CAMSAP3: variants seen among roughly 807,000 people sequenced by gnomAD.
CAMSAP3 encodes calmodulin-regulated spectrin-associated protein 3.
CAMSAP3 carries 34 observed loss-of-function variants against 112.5 expected under a neutral mutation model. That is an observed-to-expected ratio of 0.30 (90% CI 0.23 to 0.40). The LOEUF (loss-of-function observed/expected upper bound fraction) is 0.40. CAMSAP3 is among the 10% of genes least tolerant of loss of function. CAMSAP3 has a pLI of 1.00. For missense variants in CAMSAP3, 1,602 were observed against 1,770.3 expected (o/e 0.90, Z 1.71); for synonymous variants, 868 against 799.8 (o/e 1.09, Z -1.44).
At chr19:7,599,542 C>CATT (rs2029865213) in intron 1 of CAMSAP3, among the ~76,000 whole-genome samples, 1 of 95,194 alleles carries the variant, frequency 1.1e-5, no homozygotes, top group Non-Finnish European at 2.1e-5. Context: ...ATCCTTCCAC[C>CATT]CACCCATTCA....
intron 1 of CAMSAP3, among the ~76,000 whole-genome samples, chr19:7,603,845 G>C (rs190576075): frequency 2.6e-5 from 4 of 151,636 alleles, no homozygotes; most frequent in Non-Finnish European, 1.5e-5. Flanking sequence ...AACAGAGAAG[G>C]CTGTGCAGGC....
rs1176444839 is a variant in CAMSAP3, at chr19:7,611,518, C to G, written c.1125C>G (p.Gly375=). 6 of 1,610,796 alleles carry G rather than the reference C, an allele frequency of 3.7e-6. No homozygotes were observed. The highest frequency in any genetic ancestry group is 4.2e-6 in the Non-Finnish European group (5 of 1,178,844). ...GPQSPLRGST[G]SLKSSPSMSH... ...GTGACCACTCATCGCCTCCCCCAGG[C>G]TCCCTGAAGTCTTCCCCGTCCATGT... is the stretch of plus-strand genomic sequence containing the variant. Residue 375 remains glycine (G), a splice_region_variant and synonymous_variant, in exon 10 of 17, where the codon GGC becomes GGG. Transcript: ENST00000160298. The surrounding 1 kb of genome is among the most constrained non-coding windows in gnomAD (Gnocchi z 6.9).
rs377116685 is a variant in CAMSAP3, at chr19:7,608,076, G to A, written c.622-50G>A. On this transcript the variant is annotated intron_variant, in intron 4 of 16. Coordinates refer to ENST00000160298, the MANE Select transcript of CAMSAP3 (RefSeq NM_020902.2). Reference sequence around the variant, plus strand: ...TCCCTGCCCAGCCTGCATGACCGCTGACCCTGGGGGCCAGCCTGGCCACTC... The same window carrying A: ...TCCCTGCCCAGCCTGCATGACCGCTAACCCTGGGGGCCAGCCTGGCCACTC... 5.7e-6 allele frequency: 9 copies of A among 1,588,618 alleles called. No individual in the cohort carries two copies. In the Admixed American group the frequency reaches 6.8e-5, roughly 12 times the overall value.
In CAMSAP3 at chr19:7,605,238, C is replaced by T. The variant is rs2030150335; in HGVS notation, c.161C>T (p.Pro54Leu). 1 of 1,556,032 alleles carries T rather than the reference C, an allele frequency of 6.4e-7. No individual in the cohort carries two copies. Among genetic ancestry groups the T allele is most frequent in the Non-Finnish European group, 8.7e-7 (1 of 1,149,976 alleles). ...TATGCCCCCACAGAGCACGTGCCCC[C>T]GGAGCTGTGGGAGCCCTTCTATACC... Reference protein sequence around the residue: ...AAFGGAEHVPPELWEPFYTDQ... With the variant: ...AAFGGAEHVPLELWEPFYTDQ... The change falls in exon 2 of 17, where the codon CCG becomes CTG. Residue 54 changes from proline to leucine, a missense_variant. Transcript: ENST00000160298.
rs202045562 is a variant in CAMSAP3 at position 7,612,543 on chromosome 19, T to A, written c.2050T>A (p.Phe684Ile). Residue 684 changes from phenylalanine to isoleucine, a missense_variant, in exon 11 of 17, where the codon TTC (phenylalanine) becomes ATC (isoleucine). By Grantham distance (21) the Phe-to-Ile change is conservative. Coordinates refer to ENST00000160298, the MANE Select transcript of CAMSAP3 (RefSeq NM_020902.2). The part of the protein sequence containing the change: ...EPTSRPKAVT[F>I]SPDLGPVPHE... ...AACCTCACGGCCCAAGGCAGTGACC[T>A]TCTCGCCAGACCTGGGCCCGGTGCC... 2.3e-3 allele frequency: 3,591 copies of A among 1,536,490 alleles called. 6 individuals carry two copies. The highest frequency in any genetic ancestry group is 2.8e-3 in the Non-Finnish European group (3,245 of 1,145,468).
At chr19:7,602,447 G>A (rs2030008859) in intron 1 of CAMSAP3, among the ~76,000 whole-genome samples, 1 of 152,180 alleles carries the variant, frequency 6.6e-6, no homozygotes, top group Non-Finnish European at 1.5e-5. Context: ...AGAAACACGT[G>A]TGATTTTGCT....
At chr19:7,616,946 T>TTTTTTTG (rs1568449670) in intron 14 of CAMSAP3, among the ~76,000 whole-genome samples, 3 of 130,944 alleles carry the variant, frequency 2.3e-5, no homozygotes, top group African/African-American at 8.9e-5. Flanking sequence ...TTTTTTTTTT[T>TTTTTTTG]TTTTTTTTTT....
chr19:7,608,162 G>C lies in CAMSAP3; in HGVS notation c.658G>C (p.Ala220Pro). 1 of 1,612,152 alleles carries C rather than the reference G, an allele frequency of 6.2e-7. No individual in the cohort carries two copies. The highest frequency in any genetic ancestry group is 8.5e-7 in the Non-Finnish European group (1 of 1,179,890). ...YRKDRVVARR[A>P]PCFPTVTSLQ... ...CAAGGACCGTGTGGTGGCGCGACGT[G>C]CCCCCTGCTTCCCGACGGTGACCAG... is the stretch of plus-strand genomic sequence containing the variant. Residue 220 changes from alanine (A) to proline (P), a missense_variant, in exon 5 of 17, where the codon GCC becomes CCC. By Grantham distance (27) the Ala-to-Pro change is conservative. Around this residue, in one of 6 missense-constraint regions of CAMSAP3, gnomAD observed 112 missense variants for 94.2 expected, o/e 1.19. Coordinates refer to ENST00000160298, the MANE Select transcript of CAMSAP3 (RefSeq NM_020902.2).
rs2024425322 is a variant in CAMSAP3, at chr19:7,595,897, C to CGGCGGCGGCAGCGGCGGT, written c.-103_-102insGGCGGCAGCGGCGGTGGC. 2.1e-6 allele frequency: 1 copy of CGGCGGCGGCAGCGGCGGT among 480,790 alleles called. No homozygotes were observed. The highest frequency in any genetic ancestry group is 2.1e-5 in the African/African-American group (1 of 46,970). 29.8% of individuals were successfully genotyped at this position (480,790 alleles called of 1,614,324 possible). ...TCAGCAGCGGCGGCGGCGGCGGCGG[C>CGGCGGCGGCAGCGGCGGT]GGCAGCGGCGGTAGCAGCAGCGGGC... On this transcript the variant is annotated 5_prime_UTR_variant, in exon 1 of 17. Coordinates refer to ENST00000160298, the MANE Select transcript of CAMSAP3 (RefSeq NM_020902.2).
chr19:7,599,221 C>T (rs954709207), intron 1 of CAMSAP3, among the ~76,000 whole-genome samples: 17 of 151,476 alleles, frequency 1.1e-4, no homozygotes, highest in Non-Finnish European at 2.2e-4. Flanking sequence ...ACTCATCCAT[C>T]CATCCACCCA....
intron 4 of CAMSAP3, 146 bp downstream of exon 4, chr19:7,606,717 T>G: frequency 6.2e-7 from 1 of 1,609,496 alleles, no homozygotes; most frequent in Non-Finnish European, 8.5e-7. Flanking sequence ...AATCTCTCTG[T>G]GCCCTGCCCG....
intron 11 of CAMSAP3, chr19:7,614,764 C>G (rs2030691587): frequency 4.5e-6 from 1 of 221,100 alleles, no homozygotes; most frequent in South Asian, 6.7e-5. Context: ...CACTAGCTGT[C>G]CCCTCTGCCT....
rs771087474 is a variant in CAMSAP3 at position 7,610,850 on chromosome 19, C to G, written c.995-27C>G. 6.2e-7 allele frequency: 1 copy of G among 1,609,240 alleles called. No homozygotes were observed. Among genetic ancestry groups the G allele is most frequent in the African/African-American group, 1.3e-5 (1 of 74,970 alleles). On this transcript the variant is annotated intron_variant, in intron 7 of 16. Transcript: ENST00000160298. This position sits in a 1 kb window ranked among gnomAD's most constrained non-coding sequence, Gnocchi z 4.9. ...GGGGCGGGTGGGAGAGCCAAACCCC[C>G]GCCTGACCCTCTTCTCTGTACTGCA...
rs760232607 is a variant in CAMSAP3, at chr19:7,608,257, A to T, written c.753A>T (p.Arg251=). 1 of 1,611,346 alleles carries T rather than the reference A, an allele frequency of 6.2e-7. No homozygotes were observed. The highest frequency in any genetic ancestry group is 8.5e-7 in the Non-Finnish European group (1 of 1,178,688). The change falls in exon 5 of 17, where the codon CGA becomes CGT. Residue 251 remains arginine (R), a synonymous_variant. Transcript: ENST00000160298. The part of the protein sequence containing the change: ...TIHCYCPQLL[R]LEEVCLKDPM... ...ACTGCTATTGTCCCCAGCTGCTTCG[A>T]CTTGAGGGTGAGTAAATGGATGTGG...
intron 1 of CAMSAP3, 78 bp from the exon 2 acceptor site, chr19:7,605,146 TGG>T: frequency 2.5e-6 from 1 of 397,118 alleles, no homozygotes. Flanking sequence ...CCGGGCCATG[TGG>T]TGTGTGTGTG....
At chr19:7,606,005 G>A (rs2030195748) in intron 2 of CAMSAP3, among the ~76,000 whole-genome samples, 1 of 152,122 alleles carries the variant, frequency 6.6e-6, no homozygotes, top group South Asian at 2.1e-4. Flanking sequence ...TCTGGCCCTT[G>A]AGGATTTGTG....
chr19:7,615,756 C>T lies in CAMSAP3; in HGVS notation c.3112+37C>T, dbSNP rs1390557590. Reference sequence around the variant, plus strand: ...TGGGGGACGGGGCCTGCCCAGTGCCCTTTCCGGGGCTCACTGGGTGAGGCC... The same window carrying T: ...TGGGGGACGGGGCCTGCCCAGTGCCTTTTCCGGGGCTCACTGGGTGAGGCC... On this transcript the variant is annotated intron_variant, in intron 13 of 16. Coordinates refer to ENST00000160298, the MANE Select transcript of CAMSAP3 (RefSeq NM_020902.2). This position sits in a 1 kb window ranked among gnomAD's most constrained non-coding sequence, Gnocchi z 6.5. 3 of 1,123,370 alleles carry T rather than the reference C, an allele frequency of 2.7e-6. No individual in the cohort carries two copies. Among genetic ancestry groups the T allele is most frequent in the Non-Finnish European group, 3.3e-6 (3 of 914,956 alleles). 69.6% of individuals were successfully genotyped at this position (1,123,370 alleles called of 1,614,324 possible).
chr19:7,609,414 G>A (rs1210015971), intron 5 of CAMSAP3, among the ~76,000 whole-genome samples: 1 of 151,482 alleles, frequency 6.6e-6, no homozygotes, highest in African/African-American at 2.4e-5. Flanking sequence ...TCCCACCTCA[G>A]CCTCCCCAAG....
In CAMSAP3 at chr19:7,611,901, G is replaced by C. The variant is rs745782700; in HGVS notation, c.1408G>C (p.Glu470Gln). ...AGCTCTGCAGATCATCCACAGTGCC[G>C]AGCCCCGGCTCCTCCCAGATGGGGC... Reference protein sequence around the residue: ...EEALQIIHSAEPRLLPDGAAD... With the variant: ...EEALQIIHSAQPRLLPDGAAD... Residue 470 changes from glutamate to glutamine, a missense_variant, in exon 11 of 17, where the codon GAG becomes CAG. Physicochemically the swap from Glu to Gln is conservative, Grantham distance 29. Around this residue, in one of 6 missense-constraint regions of CAMSAP3, gnomAD observed 1,100 missense variants for 1,135.7 expected, o/e 0.97. Coordinates refer to ENST00000160298, the MANE Select transcript of CAMSAP3 (RefSeq NM_020902.2). The surrounding 1 kb of genome is among the most constrained non-coding windows in gnomAD (Gnocchi z 6.9). The C allele has an allele frequency of 6.3e-7, 1 of 1,578,280 alleles. No homozygotes were observed. The highest frequency in any genetic ancestry group is 8.6e-7 in the Non-Finnish European group (1 of 1,159,580).
Sources: allele counts gnomAD v4.1 joint callset (sites outside exome capture counted in the v4.1 genomes callset), GRCh38; gene constraint gnomAD v4.1.1; regional missense constraint gnomAD v4.1.1; non-coding constraint Gnocchi (gnomAD v3.1); transcripts MANE v1.5; gene names NCBI Gene and HGNC (gene_info 2026-07-23, HGNC 2026-07-21).